PTPRQ: variants seen among roughly 807,000 people sequenced by gnomAD.
PTPRQ encodes phosphatidylinositol phosphatase PTPRQ.
In PTPRQ, 199 loss-of-function variants were observed where a neutral mutation model predicts 246.0. The observed-to-expected ratio is 0.81, with a 90% CI of 0.72 to 0.91. The LOEUF (loss-of-function observed/expected upper bound fraction) is 0.91. PTPRQ is among the 40% of genes least tolerant of loss of function. The pLI, the probability that PTPRQ is intolerant of heterozygous loss-of-function variation, is 0.00. For synonymous variants in PTPRQ, 869 were observed against 853.2 expected (o/e 1.02, Z -0.32); for missense variants, 2,624 against 2,528.4 (o/e 1.04, Z -0.81).
At chr12:80,456,237 A>G (rs1256181192) in intron 3 of PTPRQ, among the ~76,000 whole-genome samples, 3 of 152,176 alleles carry the variant, frequency 2.0e-5, no homozygotes, top group Non-Finnish European at 4.4e-5. Flanking sequence ...TTCTTACTGG[A>G]AGTGTGCCTA....
intron 14 of PTPRQ, among the ~76,000 whole-genome samples, chr12:80,502,908 T>C (rs952297368): frequency 6.6e-6 from 1 of 151,838 alleles, no homozygotes; most frequent in African/African-American, 2.4e-5. Context: ...ATAGATCATT[T>C]GCATGGAAGT....
chr12:80,553,515 C>T lies in PTPRQ; in HGVS notation c.4285+3781C>T, dbSNP rs553835012. Among the ~76,000 whole-genome samples the T allele has an allele frequency of 8.5e-5, 13 of 152,134 alleles. No homozygotes were observed. The East Asian group carries it at 9.7e-4, about 11-fold the overall frequency. ...ATAGCCAGCTCTGAGTCACTGACTCCGTACTTATTTTTGACATAAAGTGAA... is the reference window on the plus strand; with the variant it reads ...ATAGCCAGCTCTGAGTCACTGACTCTGTACTTATTTTTGACATAAAGTGAA... On this transcript the variant is annotated intron_variant, in intron 25 of 44. Transcript: ENST00000644991.
chr12:80,649,821 T>TAC (rs1900198134), intron 37 of PTPRQ, among the ~76,000 whole-genome samples, 152 bp downstream of exon 37: 1 of 152,108 alleles, frequency 6.6e-6, no homozygotes, highest in African/African-American at 2.4e-5. Flanking sequence ...ATAGTAATGT[T>TAC]ACACTGGGCC....
intron 24 of PTPRQ, 32 bp from the exon 25 acceptor site, chr12:80,549,433 C>A: frequency 6.6e-7 from 1 of 1,516,450 alleles, no homozygotes; most frequent in Non-Finnish European, 8.9e-7. Context: ...TATGTATACA[C>A]TTTAACTTTG....
intron 32 of PTPRQ, 29 bp from the exon 33 acceptor site, chr12:80,622,032 G>A: frequency 7.9e-7 from 1 of 1,269,984 alleles, no homozygotes; most frequent in Non-Finnish European, 1.1e-6. Context: ...GATATGCAAA[G>A]TGTTGATTTT....
intron 38 of PTPRQ, among the ~76,000 whole-genome samples, chr12:80,656,993 CT>C (rs1353951658): frequency 6.6e-6 from 1 of 150,892 alleles, no homozygotes; most frequent in African/African-American, 2.4e-5. Context: ...ATAATGACAA[CT>C]TTGACAAATG....
At position 80,447,533 on chromosome 12, in the gene PTPRQ, G is replaced by A. The variant is rs114976260; in HGVS notation, c.390+1816G>A. Among the ~76,000 whole-genome samples the A allele has an allele frequency of 6.9e-3, 1,047 of 152,046 alleles. 14 individuals carry two copies. Among genetic ancestry groups the A allele is most frequent in the African/African-American group, 0.024 (1,010 of 41,500 alleles). On this transcript the variant is annotated intron_variant, in intron 3 of 44. Transcript: ENST00000644991. ...CTTACTAGTATTTTTATAGTTTCAG[G>A]TTTTATATTTAAGTCCTTAATCCAG... is the stretch of plus-strand genomic sequence containing the variant.
intron 25 of PTPRQ, among the ~76,000 whole-genome samples, chr12:80,583,518 C>T (rs1245467286): frequency 6.6e-6 from 1 of 152,068 alleles, no homozygotes; most frequent in Non-Finnish European, 1.5e-5. Context: ...GCTATACAAA[C>T]TAATAGAGCT....
chr12:80,528,180 T>C (rs1413751944), intron 17 of PTPRQ, among the ~76,000 whole-genome samples: 1 of 152,204 alleles, frequency 6.6e-6, no homozygotes, highest in African/African-American at 2.4e-5. Flanking sequence ...TAGTAAGATA[T>C]AACTTATACA....
chr12:80,558,128 CT>C (rs1479817822), intron 25 of PTPRQ, among the ~76,000 whole-genome samples: 1 of 101,490 alleles, frequency 9.9e-6, no homozygotes, highest in Non-Finnish European at 1.8e-5. Flanking sequence ...TCTTTCTTTT[CT>C]TTTCTTTTCT....
intron 19 of PTPRQ, 85 bp from the exon 20 acceptor site, chr12:80,539,691 A>G: frequency 1.8e-6 from 2 of 1,108,164 alleles, no homozygotes; most frequent in Non-Finnish European, 2.4e-6. Context: ...AAATAGTAAA[A>G]TCGATCCATT....
chr12:80,640,357 G>A (rs1298324547), intron 35 of PTPRQ, among the ~76,000 whole-genome samples: 1 of 152,158 alleles, frequency 6.6e-6, no homozygotes, highest in Admixed American at 6.5e-5. Context: ...CACATTTTAA[G>A]TGTCATCATT....
At chr12:80,523,450 T>A (rs1295574427) in intron 17 of PTPRQ, among the ~76,000 whole-genome samples, 1 of 152,206 alleles carries the variant, frequency 6.6e-6, no homozygotes, top group African/African-American at 2.4e-5. Context: ...CTTTTGATTG[T>A]GATGTTAGGG....
At chr12:80,570,846 T>A (rs1314117346) in intron 25 of PTPRQ, among the ~76,000 whole-genome samples, 1 of 152,214 alleles carries the variant, frequency 6.6e-6, no homozygotes, top group Non-Finnish European at 1.5e-5. Context: ...TAGGGAATCA[T>A]TTCCCCATTG....
intron 35 of PTPRQ, among the ~76,000 whole-genome samples, chr12:80,642,935 A>AAAAACAAAC (rs1555210244): frequency 6.9e-6 from 1 of 145,560 alleles, no homozygotes; most frequent in Non-Finnish European, 1.5e-5. Flanking sequence ...AAAAAAAAAA[A>AAAAACAAAC]AAAAAAAAAA....
At chr12:80,549,443 G>A (rs1896402857) in intron 24 of PTPRQ, 22 bp from the exon 25 acceptor site, 1 of 1,524,750 alleles carries the variant, frequency 6.6e-7, no homozygotes, top group East Asian at 2.5e-5. Context: ...CTTTAACTTT[G>A]GGCATATGTT....
rs973908165 is a variant in PTPRQ at position 80,542,821 on chromosome 12, T to C, written c.3813T>C (p.Gly1271=). ...GGAGCCCAAGTCCTCTTCCAGGTGG[T>C]ATTGTTAAAGTATATAGTTTTAAAA... is the stretch of plus-strand genomic sequence containing the variant. ...LKWSPSPLPG[G]IVKVYSFKIH... Residue 1271 remains glycine (G), a synonymous_variant, in exon 23 of 45, where the codon GGT becomes GGC. Coordinates refer to ENST00000644991, the MANE Select transcript of PTPRQ (RefSeq NM_001145026.2). 1.9e-6 allele frequency: 3 copies of C among 1,548,434 alleles called. No homozygotes were observed. In the African/African-American group the frequency reaches 4.1e-5, roughly 21 times the overall value.
intron 25 of PTPRQ, among the ~76,000 whole-genome samples, chr12:80,581,775 G>T (rs377477353): frequency 6.6e-6 from 1 of 152,050 alleles, no homozygotes; most frequent in South Asian, 2.1e-4. Context: ...AAATAGCAAA[G>T]CCATACACCC....
chr12:80,456,337 A>C (rs1441376121), intron 3 of PTPRQ, among the ~76,000 whole-genome samples: 6 of 152,192 alleles, frequency 3.9e-5, no homozygotes, highest in Admixed American at 3.9e-4. Context: ...ATTCTTACCT[A>C]TGTAGAAGTC....
Sources: gnomAD v4.1 joint callset for allele counts (sites outside exome capture counted in the v4.1 genomes callset) on GRCh38, gnomAD v4.1.1 for gene constraint, MANE v1.5 for transcripts, NCBI Gene and HGNC (gene_info 2026-07-23, HGNC 2026-07-21) for gene names.